CARMIL3: variants seen among roughly 807,000 people sequenced by gnomAD.
The protein encoded by CARMIL3 is capping protein, Arp2/3 and myosin-I linker protein 3.
Under a neutral mutation model 180.8 loss-of-function variants are expected in CARMIL3, and 88 were observed. The ratio of observed to expected loss-of-function variants is 0.49; its 90% CI spans 0.41 to 0.58. CARMIL3 has a LOEUF of 0.58. Among genes scored for constraint, CARMIL3 ranks in the 20% least tolerant of loss-of-function variants. The probability of loss-of-function intolerance (pLI) is 0.00; values close to 1 mark genes in which losing one functional copy is unlikely to be tolerated. For synonymous variants in CARMIL3, 696 were observed against 714.5 expected, an observed-to-expected ratio of 0.97 and a Z score of 0.41; for missense variants, 1,548 against 1,787.0, an observed-to-expected ratio of 0.87 and a Z score of 2.41.
chr14:24,054,706 T>C lies in CARMIL3; in HGVS notation c.363-5T>C, dbSNP rs747242401. 2 of 1,613,292 alleles carry C rather than the reference T, an allele frequency of 1.2e-6. No homozygotes were observed. The highest frequency in any genetic ancestry group is 1.7e-6 in the Non-Finnish European group (2 of 1,179,554). On this transcript the variant is annotated splice_region_variant and splice_polypyrimidine_tract_variant and intron_variant, in intron 5 of 39. Coordinates refer to ENST00000342740, the MANE Select transcript of CARMIL3 (RefSeq NM_138360.4). The surrounding 1 kb of genome is among the most constrained non-coding windows in gnomAD (Gnocchi z 5.1). ...CCTCTCTGGAATGACTTGTTTCTTT[T>C]CCAGGTGTTTGATCCGGCGTGGAAA... is the stretch of plus-strand genomic sequence containing the variant.
At position 24,064,108 on chromosome 14, in the gene CARMIL3, A is replaced by G. The variant is rs540011656; in HGVS notation, c.2980-138A>G. 146 of 549,048 alleles carry G rather than the reference A, an allele frequency of 2.7e-4. No homozygotes were observed. The East Asian group carries it at 3.6e-3, about 13-fold the overall frequency. 34.0% of individuals were successfully genotyped at this position (549,048 alleles called of 1,614,324 possible). ...GACTCCGTCTCAAAAAAAAAAAAAAAAAAGAAAAAGAAACACTGGGTGAAC... is the reference window on the plus strand; with the variant it reads ...GACTCCGTCTCAAAAAAAAAAAAAAGAAAGAAAAAGAAACACTGGGTGAAC... On this transcript the variant is annotated intron_variant, in intron 31 of 39. Coordinates refer to ENST00000342740, the MANE Select transcript of CARMIL3 (RefSeq NM_138360.4).
At chr14:24,062,452 T>G (rs777952374) in intron 27 of CARMIL3, 28 bp from the exon 28 acceptor site, 1 of 1,601,856 alleles carries the variant, frequency 6.2e-7, no homozygotes, top group Non-Finnish European at 8.6e-7. Context: ...GGTGCTAATG[T>G]TCTGAGTAGC....
rs751304800 is a variant in CARMIL3, at chr14:24,068,695, A to T, written c.3794A>T (p.Asn1265Ile). ...CCAGAGAGGACACTTCCAGCTAGGA[A>T]TGCCAAGGTGAGAGCTGGCAAGATG... ...LFPERTLPARNAKLQDPALAP... is the reference protein window; with the variant it reads ...LFPERTLPARIAKLQDPALAP... Residue 1265 changes from asparagine (N) to isoleucine (I), a missense_variant, in exon 37 of 40, where the codon AAT (asparagine) becomes ATT (isoleucine). Physicochemically the swap from Asn to Ile is moderately radical, Grantham distance 149. Around this residue, in one of 4 missense-constraint regions of CARMIL3, gnomAD observed 668 missense variants for 687.8 expected, o/e 0.97. Transcript: ENST00000342740. 7.4e-6 allele frequency: 12 copies of T among 1,613,650 alleles called. No homozygotes were observed. The South Asian group carries it at 1.2e-4, about 16-fold the overall frequency.
In CARMIL3 at chr14:24,068,965, A is replaced by G. The variant is rs751813131; in HGVS notation, c.3981A>G (p.Gln1327=). 1 of 1,554,268 alleles carries G rather than the reference A, an allele frequency of 6.4e-7. No individual in the cohort carries two copies. The highest frequency in any genetic ancestry group is 8.7e-7 in the Non-Finnish European group (1 of 1,147,794). The change falls in exon 38 of 40, where the codon CAA becomes CAG. Residue 1327 remains glutamine (Q), a splice_region_variant and synonymous_variant. Transcript: ENST00000342740. ...SQQDQEEPEV[Q]GPPDPGRRTA... ...AAGACCAAGAGGAGCCCGAAGTCCAAGGTCTGCCACCCTGGCTGAGTGGGG... is the reference window on the plus strand; with the variant it reads ...AAGACCAAGAGGAGCCCGAAGTCCAGGGTCTGCCACCCTGGCTGAGTGGGG...
chr14:24,065,170 C>A lies in CARMIL3; in HGVS notation c.3293C>A (p.Pro1098Gln). The change falls in exon 33 of 40, where the codon CCA becomes CAA. Residue 1098 changes from proline (P) to glutamine (Q), a missense_variant. Around this residue, in one of 4 missense-constraint regions of CARMIL3, gnomAD observed 668 missense variants for 687.8 expected, o/e 0.97. Coordinates refer to ENST00000342740, the MANE Select transcript of CARMIL3 (RefSeq NM_138360.4). ...TQESPPSPDP[P>Q]SLGNNSSPCW... ...GAGAGCCCCCCTAGCCCAGACCCCC[C>A]AAGCCTCGGCAATAACTCCTCTCCC... 7.9e-6 allele frequency: 12 copies of A among 1,513,828 alleles called. No individual in the cohort carries two copies. The highest frequency in any genetic ancestry group is 1.1e-5 in the Non-Finnish European group (12 of 1,135,306). The allele number at this position is 1,513,828 out of a possible 1,614,324, so 93.8% of individuals were successfully genotyped here.
chr14:24,059,462 C>G lies in CARMIL3; in HGVS notation c.1799+20C>G. 4 of 1,555,736 alleles carry G rather than the reference C, an allele frequency of 2.6e-6. No individual in the cohort carries two copies. In the South Asian group the frequency reaches 3.5e-5, roughly 14 times the overall value. The stretch of plus-strand genomic sequence containing the variant: ...CCTCAGGTGGGGCCCACACCGGGAC[C>G]CCCTGACCTGGAGCCCCAGCCCCTC... On this transcript the variant is annotated intron_variant, in intron 21 of 39. Coordinates refer to ENST00000342740, the MANE Select transcript of CARMIL3 (RefSeq NM_138360.4). This position sits in a 1 kb window ranked among gnomAD's most constrained non-coding sequence, Gnocchi z 6.3.
In CARMIL3 at chr14:24,059,395, C is replaced by T. The variant is rs1405202081; in HGVS notation, c.1752C>T (p.Ile584=). 6 of 1,606,878 alleles carry T rather than the reference C, an allele frequency of 3.7e-6. No homozygotes were observed. Among genetic ancestry groups the T allele is most frequent in the Non-Finnish European group, 5.1e-6 (6 of 1,176,744 alleles). Residue 584 remains isoleucine, a synonymous_variant, in exon 21 of 40, where the codon ATC becomes ATT. Transcript: ENST00000342740. This position sits in a 1 kb window ranked among gnomAD's most constrained non-coding sequence, Gnocchi z 6.3. ...VDLSGNGMED[I]GAKMLSKALQ... ...TGAGCGGCAATGGCATGGAGGACAT[C>T]GGGGCCAAGATGCTGTCTAAGGCCC... is the stretch of plus-strand genomic sequence containing the variant.
In CARMIL3 at chr14:24,059,902, C is replaced by G; in HGVS notation, c.1869-68C>G. The G allele has an allele frequency of 6.3e-7, 1 of 1,576,238 alleles. No homozygotes were observed. Among genetic ancestry groups the G allele is most frequent in the South Asian group, 1.1e-5 (1 of 90,086 alleles). On this transcript the variant is annotated intron_variant, in intron 22 of 39. Coordinates refer to ENST00000342740, the MANE Select transcript of CARMIL3 (RefSeq NM_138360.4). This position sits in a 1 kb window ranked among gnomAD's most constrained non-coding sequence, Gnocchi z 6.3. ...AGCAAGGGGGCTGGAGGGCTGCTCA[C>G]CAACAGAGGAGGCAGGGGCCTCCCA...
chr14:24,062,895 TAAACCTGCA>T lies in CARMIL3; in HGVS notation c.2706+50_2706+58del, dbSNP rs769605524. 10 of 1,571,542 alleles carry T rather than the reference TAAACCTGCA, an allele frequency of 6.4e-6. No individual in the cohort carries two copies. In the African/African-American group the frequency reaches 1.3e-4, roughly 21 times the overall value. ...TCCTTAATAACCTGGGCCCTGCCCT[TAAACCTGCA>T]CAACACTGTCCCCTTCCACTGATCT... On this transcript the variant is annotated intron_variant, in intron 29 of 39. Coordinates refer to ENST00000342740, the MANE Select transcript of CARMIL3 (RefSeq NM_138360.4).
rs959851170 is a variant in CARMIL3, at chr14:24,061,323, A to C, written c.2305-174A>C. On this transcript the variant is annotated intron_variant, in intron 26 of 39. Coordinates refer to ENST00000342740, the MANE Select transcript of CARMIL3 (RefSeq NM_138360.4). The surrounding 1 kb of genome is among the most constrained non-coding windows in gnomAD (Gnocchi z 4.1). ...GTATGGTAGGGTGGAAGGAGCACTG[A>C]CCAGAAAGTGGGGAAGCCTTAGTGT... 1.9e-5 allele frequency: 13 copies of C among 688,774 alleles called. No individual in the cohort carries two copies. Among genetic ancestry groups the C allele is most frequent in the African/African-American group, 1.8e-4 (10 of 55,370 alleles). 42.7% of individuals were successfully genotyped at this position (688,774 alleles called of 1,614,324 possible). A position where few individuals can be genotyped will look rare whatever the true frequency, so the allele number is the denominator to read the frequency against.
chr14:24,067,787 C>G (rs1052312899), intron 36 of CARMIL3, among the ~76,000 whole-genome samples: 8 of 152,278 alleles, frequency 5.3e-5, no homozygotes, highest in Admixed American at 4.6e-4. Context: ...ACAACACTTT[C>G]CAGTGTCAGA....
intron 29 of CARMIL3, 52 bp downstream of exon 29, chr14:24,062,898 A>G: frequency 6.4e-7 from 1 of 1,568,474 alleles, no homozygotes; most frequent in East Asian, 2.2e-5. Flanking sequence ...CTGCCCTTAA[A>G]CCTGCACAAC....
Position 24,064,960 on chromosome 14 carries a change from AC to A in CARMIL3, c.3088del (p.Arg1030GlyfsTer3). The A allele has an allele frequency of 6.2e-7, 1 of 1,609,214 alleles. No individual in the cohort carries two copies. Among genetic ancestry groups the A allele is most frequent in the Non-Finnish European group, 8.5e-7 (1 of 1,178,654 alleles). ...SRRVLEESSSYPRTLRTVRPG... is the reference protein window; with the variant it reads ...SRRVLEESSSXPRTLRTVRPG... ...TAACTTACCCCGATTCTCCCCAGCT[AC>A]CCCCGGACTCTGAGGACCGTGCGGC... On this transcript the variant is annotated frameshift_variant, in exon 33 of 40. Transcript: ENST00000342740. LOFTEE classifies it high-confidence loss of function.
chr14:24,056,128 G>A (rs1319640818), intron 10 of CARMIL3, among the ~76,000 whole-genome samples, 171 bp from the exon 11 acceptor site: 1 of 152,164 alleles, frequency 6.6e-6, no homozygotes, highest in Non-Finnish European at 1.5e-5. Flanking sequence ...AATGCCCCCA[G>A]GTACTCCGGA....
chr14:24,064,833 T>G, intron 32 of CARMIL3, 125 bp from the exon 33 acceptor site: 3 of 991,588 alleles, frequency 3.0e-6, no homozygotes, highest in Non-Finnish European at 4.5e-6. Flanking sequence ...ATCATCTCCC[T>G]GAGAACTAAG....
In CARMIL3 at chr14:24,063,360, AATCTGGGG is replaced by A; in HGVS notation, c.2810_2817del (p.Leu937ProfsTer16). On this transcript the variant is annotated frameshift_variant, in exon 31 of 40. Coordinates refer to ENST00000342740, the MANE Select transcript of CARMIL3 (RefSeq NM_138360.4). LOFTEE classifies it high-confidence loss of function. ...TCAGGACATGGAAAGCCAACTGGGG[AATCTGGGG>A]ATCCCCCCTGGCTGGTTCTCAGGAC... 1.2e-6 allele frequency: 2 copies of A among 1,607,832 alleles called. No individual in the cohort carries two copies. The highest frequency in any genetic ancestry group is 1.7e-6 in the Non-Finnish European group (2 of 1,175,958).
chr14:24,067,181 C>A (rs867843065), intron 36 of CARMIL3, among the ~76,000 whole-genome samples: 8 of 152,240 alleles, frequency 5.3e-5, no homozygotes, highest in African/African-American at 1.9e-4. Flanking sequence ...CCTTCTCAGC[C>A]ACCCGCGACC....
At position 24,058,079 on chromosome 14, in the gene CARMIL3, G is replaced by A. The variant is rs771457747; in HGVS notation, c.1322+15G>A. 6.2e-7 allele frequency: 1 copy of A among 1,613,834 alleles called. No homozygotes were observed. Among genetic ancestry groups the A allele is most frequent in the Admixed American group, 1.7e-5 (1 of 60,032 alleles). ...GAGGCCCTCAGGTCGGGTGGGTGCA[G>A]GGTTGGGGGCGCATCCAAGGGAACC... On this transcript the variant is annotated intron_variant, in intron 16 of 39. Coordinates refer to ENST00000342740, the MANE Select transcript of CARMIL3 (RefSeq NM_138360.4). This position sits in a 1 kb window ranked among gnomAD's most constrained non-coding sequence, Gnocchi z 6.4.
chr14:24,060,300 G>A (rs904669796), intron 24 of CARMIL3, 45 bp downstream of exon 24: 2 of 1,598,252 alleles, frequency 1.3e-6, no homozygotes, highest in Non-Finnish European at 1.7e-6. Context: ...GGGGCATGCA[G>A]GGCACAGTGT....
Sources: gnomAD v4.1 joint callset for allele counts (sites outside exome capture counted in the v4.1 genomes callset) on GRCh38, gnomAD v4.1.1 for gene constraint, gnomAD v4.1.1 regional missense constraint, Gnocchi (gnomAD v3.1) non-coding constraint, MANE v1.5 for transcripts, NCBI Gene and HGNC (gene_info 2026-07-23, HGNC 2026-07-21) for gene names.